Variants in DHRS7 observed in about 807,000 individuals in gnomAD.
DHRS7 encodes dehydrogenase/reductase SDR family member 7.
Under a neutral mutation model 38.9 loss-of-function variants are expected in DHRS7, and 34 were observed. The observed-to-expected ratio is 0.87, with a 90% CI of 0.66 to 1.16. The LOEUF (loss-of-function observed/expected upper bound fraction) is 1.16, where lower values mean the gene tolerates loss of function less well. Ranked by LOEUF, DHRS7 falls within the 50% of genes most tolerant of loss-of-function variation. The probability of loss-of-function intolerance (pLI) is 0.00; values close to 1 mark genes in which losing one functional copy is unlikely to be tolerated. For synonymous variants in DHRS7, 158 were observed against 153.1 expected, an observed-to-expected ratio of 1.03 and a Z score of -0.24; for missense variants, 421 against 407.0, an observed-to-expected ratio of 1.03 and a Z score of -0.30.
At chr14:60,168,915 C>A (rs1458918631), upstream of DHRS7, 2 of 809,842 alleles carry the variant, frequency 2.5e-6, no homozygotes, top group Non-Finnish European at 3.5e-6. Flanking sequence ...TCTAACTAAC[C>A]CATTGAAGTT....
Position 60,149,436 on chromosome 14 carries a change from A to G in DHRS7, c.889T>C (p.Leu297=), listed in dbSNP as rs1036663489. 6.2e-7 allele frequency: 1 copy of G among 1,614,182 alleles called. No homozygotes were observed. Among genetic ancestry groups the G allele is most frequent in the Admixed American group, 1.7e-5 (1 of 60,014 alleles). The stretch of plus-strand genomic sequence containing the variant: ...GCCCAGGTTGGCATGTATTGCCACA[A>G]ATATGTTACTAACAAGAAAGGTTGT... ...SEQPFLLVTY[L]WQYMPTWAWW... is the part of the protein sequence containing the mutation. The change falls in exon 6 of 7, where the codon TTG becomes CTG. Residue 297 remains leucine, a synonymous_variant. Transcript: ENST00000557185.
Position 60,145,381 on chromosome 14 carries a change from CTT to C in DHRS7, c.973-370_973-369del, listed in dbSNP as rs1896372183. The C allele has an allele frequency of 6.4e-6, 1 of 156,408 alleles. No individual in the cohort carries two copies. Among genetic ancestry groups the C allele is most frequent in the South Asian group, 2.0e-4 (1 of 4,914 alleles). The allele number at this position is 156,408 out of a possible 1,614,324, so 9.7% of individuals were successfully genotyped here. On this transcript the variant is annotated intron_variant, in intron 6 of 6. Transcript: ENST00000557185. This position sits in a 1 kb window ranked among gnomAD's most constrained non-coding sequence, Gnocchi z 4.0. ...GAATTGAGATATATGGAAGATAACT[CTT>C]TAAAATTATTTGTGGCCAGGCAGGC...
chr14:60,151,273 A>G (rs1305636572), intron 4 of DHRS7, among the ~76,000 whole-genome samples: 1 of 152,234 alleles, frequency 6.6e-6, no homozygotes, highest in Admixed American at 6.5e-5. Flanking sequence ...ACTTAAAAAG[A>G]TACTGACCAT....
upstream of DHRS7, among the ~76,000 whole-genome samples, chr14:60,167,738 C>A (rs1238349736): frequency 1.3e-5 from 2 of 152,212 alleles, no homozygotes; most frequent in South Asian, 2.1e-4. Flanking sequence ...GAATATTCTT[C>A]CTCAAGAACA....
At chr14:60,165,708 A>G (rs1481410738), upstream of DHRS7, 13 of 984,364 alleles carry the variant, frequency 1.3e-5, no homozygotes, top group Non-Finnish European at 1.4e-5. This position sits in a 1 kb window ranked among gnomAD's most constrained non-coding sequence, Gnocchi z 4.6. Flanking sequence ...CAGGGACACT[A>G]TCAACGGCCA....
intron 1 of DHRS7, among the ~76,000 whole-genome samples, chr14:60,160,596 G>A (rs936711113): frequency 1.3e-5 from 2 of 151,814 alleles, no homozygotes; most frequent in East Asian, 1.9e-4. Flanking sequence ...GGGGGGACGG[G>A]GGGAGGGGAC....
Position 60,153,948 on chromosome 14 carries a change from A to G in DHRS7, c.393+11T>C, listed in dbSNP as rs1307624839. 6.2e-7 allele frequency: 1 copy of G among 1,607,694 alleles called. No individual in the cohort carries two copies. The highest frequency in any genetic ancestry group is 8.5e-7 in the Non-Finnish European group (1 of 1,174,208). ...CAAAGCAAGACTATATCAATATAAG[A>G]TGCTACTTACTCTACCAAACTCCTG... On this transcript the variant is annotated intron_variant, in intron 3 of 6. Transcript: ENST00000557185. The surrounding 1 kb of genome is among the most constrained non-coding windows in gnomAD (Gnocchi z 4.4).
At chr14:60,152,824 GTCTC>G (rs957684724) in intron 4 of DHRS7, 111 bp downstream of exon 4, 1 of 1,218,254 alleles carries the variant, frequency 8.2e-7, no homozygotes, top group African/African-American at 1.5e-5. Context: ...GTCTCCTTGG[GTCTC>G]TCTGTCTCCC....
rs769191663 is a variant in DHRS7, at chr14:60,152,994, C to T, written c.578G>A (p.Gly193Asp). 6.2e-7 allele frequency: 1 copy of T among 1,614,012 alleles called. No homozygotes were observed. Among genetic ancestry groups the T allele is most frequent in the Admixed American group, 1.7e-5 (1 of 60,000 alleles). Residue 193 changes from glycine to aspartate, a missense_variant, in exon 4 of 7, where the codon GGT (glycine) becomes GAT (aspartate). By Grantham distance (94) the Gly-to-Asp change is moderately conservative. Coordinates refer to ENST00000557185, the MANE Select transcript of DHRS7 (RefSeq NM_016029.4). ...GKIVTVNSILGIISVPLSIGY... is the reference protein window; with the variant it reads ...GKIVTVNSILDIISVPLSIGY... ...AATGGAAAGAGGTACAGATATGATA[C>T]CCAGGATGCTATTCACAGTAACAAT...
upstream of DHRS7, among the ~76,000 whole-genome samples, chr14:60,165,792 C>G (rs886443014): frequency 6.6e-6 from 1 of 152,184 alleles, no homozygotes; most frequent in Non-Finnish European, 1.5e-5. The surrounding 1 kb of genome is among the most constrained non-coding windows in gnomAD (Gnocchi z 4.6). Flanking sequence ...CCTTTTCAAG[C>G]TTCAGTATCT....
chr14:60,152,519 A>G (rs1896566399), intron 4 of DHRS7, among the ~76,000 whole-genome samples: 1 of 152,234 alleles, frequency 6.6e-6, no homozygotes, highest in Non-Finnish European at 1.5e-5. Flanking sequence ...AAAAGAAGTC[A>G]CAGAAATGGG....
At chr14:60,167,415 A>T (rs1366945749), upstream of DHRS7, among the ~76,000 whole-genome samples, 2 of 152,258 alleles carry the variant, frequency 1.3e-5, no homozygotes, top group East Asian at 3.8e-4. Flanking sequence ...TATAACTGGT[A>T]ACCTTCATTT....
In DHRS7 at chr14:60,165,383, G is replaced by C. The variant is rs1044708815; in HGVS notation, c.-74C>G. On this transcript the variant is annotated 5_prime_UTR_variant, in exon 1 of 7. Coordinates refer to ENST00000557185, the MANE Select transcript of DHRS7 (RefSeq NM_016029.4). The surrounding 1 kb of genome is among the most constrained non-coding windows in gnomAD (Gnocchi z 4.6). ...AGTCGCGTCGCTGCCCTGCGGGATC[G>C]CAGCGCCACCCCTTCGGCCAGCCCA... 1.2e-5 allele frequency: 18 copies of C among 1,512,570 alleles called. No individual in the cohort carries two copies. In the African/African-American group the frequency reaches 2.2e-4, roughly 18 times the overall value. 93.7% of individuals were successfully genotyped at this position (1,512,570 alleles called of 1,614,324 possible).
intron 1 of DHRS7, among the ~76,000 whole-genome samples, chr14:60,159,932 G>T (rs1896730118): frequency 6.6e-6 from 1 of 152,144 alleles, no homozygotes; most frequent in Admixed American, 6.5e-5. Context: ...AGAATTGCTG[G>T]TTTCTCTTTA....
chr14:60,168,985 G>C, upstream of DHRS7: 1 of 386,598 alleles, frequency 2.6e-6, no homozygotes, highest in Admixed American at 4.5e-5. Flanking sequence ...AACATACATT[G>C]CACCGAGGCT....
upstream of DHRS7, chr14:60,168,632 T>C (rs1184555211): frequency 2.7e-6 from 4 of 1,479,546 alleles, no homozygotes; most frequent in Non-Finnish European, 3.6e-6. Context: ...AATATTTTCT[T>C]AAAATTCTAA....
In DHRS7 at chr14:60,156,024, C is replaced by T. The variant is rs1392894153; in HGVS notation, c.262G>A (p.Glu88Lys). ...CCTAGGCATCTTCTTTTCACCCTTT[C>T]CAGCTCATGCACTCTTCTGGCTGAC... ...VLSARRVHEL[E>K]RVKRRCLENG... The change falls in exon 2 of 7, where the codon GAA becomes AAA. Residue 88 changes from glutamate (E) to lysine (K), a missense_variant. Physicochemically the swap from Glu to Lys is moderately conservative, Grantham distance 56. Coordinates refer to ENST00000557185, the MANE Select transcript of DHRS7 (RefSeq NM_016029.4). The T allele has an allele frequency of 2.5e-6, 4 of 1,584,398 alleles. No individual in the cohort carries two copies. The highest frequency in any genetic ancestry group is 3.4e-6 in the Non-Finnish European group (4 of 1,166,346).
rs1032716030 is a variant in DHRS7 at position 60,161,690 on chromosome 14, G to T, written c.133+3487C>A. On this transcript the variant is annotated intron_variant, in intron 1 of 6. Coordinates refer to ENST00000557185, the MANE Select transcript of DHRS7 (RefSeq NM_016029.4). The surrounding 1 kb of genome is among the most constrained non-coding windows in gnomAD (Gnocchi z 4.2). Reference sequence around the variant, plus strand: ...CTGGCTAGGGCAGGACACAGGATTCGGTAGGGTCTGGACAGTGCAGAGCAG... The same window carrying T: ...CTGGCTAGGGCAGGACACAGGATTCTGTAGGGTCTGGACAGTGCAGAGCAG... Among the ~76,000 whole-genome samples, 1 of 152,162 alleles carries T rather than the reference G, an allele frequency of 6.6e-6. No homozygotes were observed. Among genetic ancestry groups the T allele is most frequent in the Non-Finnish European group, 1.5e-5 (1 of 68,024 alleles).
rs571043736 is a variant in DHRS7, at chr14:60,149,627, A to G, written c.757-59T>C. 2.6e-5 allele frequency: 36 copies of G among 1,405,456 alleles called. No individual in the cohort carries two copies. In the South Asian group the frequency reaches 4.7e-4, roughly 18 times the overall value. 87.1% of individuals were successfully genotyped at this position (1,405,456 alleles called of 1,614,324 possible). A position where few individuals can be genotyped will look rare whatever the true frequency, so the allele number is the denominator to read the frequency against. On this transcript the variant is annotated intron_variant, in intron 5 of 6. Coordinates refer to ENST00000557185, the MANE Select transcript of DHRS7 (RefSeq NM_016029.4). ...AAGCGATTTCACATAACTTTAAGCTAGAAAGGACTCAAATGCCGTCTAGTT... is the reference window on the plus strand; with the variant it reads ...AAGCGATTTCACATAACTTTAAGCTGGAAAGGACTCAAATGCCGTCTAGTT...
Sources: allele counts gnomAD v4.1 joint callset (sites outside exome capture counted in the v4.1 genomes callset), GRCh38; gene constraint gnomAD v4.1.1; non-coding constraint Gnocchi (gnomAD v3.1); transcripts MANE v1.5; gene names NCBI Gene and HGNC (gene_info 2026-07-23, HGNC 2026-07-21).